Variants in XKR6 observed in about 807,000 individuals in gnomAD.
XKR6 encodes the protein XK-related protein 6.
A neutral mutation model predicts 56.7 loss-of-function variants in XKR6; 22 were observed. The ratio of observed to expected loss-of-function variants is 0.39; its 90% CI spans 0.28 to 0.55. The LOEUF (loss-of-function observed/expected upper bound fraction) is 0.55. Ranked by LOEUF, XKR6 falls within the 20% of genes least tolerant of loss-of-function variation. The probability of loss-of-function intolerance (pLI) is 0.66; values close to 1 mark genes in which losing one functional copy is unlikely to be tolerated. For synonymous variants in XKR6, 524 were observed against 387.8 expected (o/e 1.35, Z -4.13); for missense variants, 852 against 889.0 (o/e 0.96, Z 0.53).
intron 1 of XKR6, among the ~76,000 whole-genome samples, chr8:10,962,114 C>A (rs918247241): frequency 6.6e-6 from 1 of 152,144 alleles, no homozygotes; most frequent in Non-Finnish European, 1.5e-5. Flanking sequence ...TCCGCGGGGG[C>A]GACAGAGTGG....
intron 1 of XKR6, among the ~76,000 whole-genome samples, chr8:11,016,633 G>A (rs1798629892): frequency 1.3e-5 from 2 of 152,164 alleles, no homozygotes; most frequent in South Asian, 4.1e-4. Context: ...GCGTTCCAAG[G>A]CCCCGCCTCC....
At chr8:11,177,318 C>G (rs1802710525) in intron 1 of XKR6, among the ~76,000 whole-genome samples, 1 of 152,184 alleles carries the variant, frequency 6.6e-6, no homozygotes, top group African/African-American at 2.4e-5. Flanking sequence ...ATGTCCTTAT[C>G]TTAAGGGTTA....
At chr8:11,048,890 G>A (rs943970764) in intron 1 of XKR6, among the ~76,000 whole-genome samples, 9 of 152,134 alleles carry the variant, frequency 5.9e-5, no homozygotes, top group East Asian at 3.8e-4. Context: ...CTGCCCACTC[G>A]CTCCAGCCGG....
chr8:10,989,655 T>C (rs559968477), intron 1 of XKR6, among the ~76,000 whole-genome samples: 156 of 152,320 alleles, frequency 1.0e-3, no homozygotes, highest in African/African-American at 3.6e-3. Context: ...ACTGGACCAA[T>C]ATCAGTATCT....
At chr8:11,097,441 C>T (rs949760782) in intron 1 of XKR6, among the ~76,000 whole-genome samples, 15 of 150,874 alleles carry the variant, frequency 9.9e-5, no homozygotes, top group African/African-American at 3.7e-4. Context: ...TAGATAATAC[C>T]AGCACTGCTG....
intron 1 of XKR6, among the ~76,000 whole-genome samples, chr8:11,073,792 A>T (rs923281637): frequency 1.3e-5 from 2 of 152,140 alleles, no homozygotes. Context: ...GAGAGGGGCC[A>T]GTGAGAAACA....
chr8:10,897,604 C>G lies in XKR6; in HGVS notation c.*348G>C. 5.7e-6 allele frequency: 1 copy of G among 174,864 alleles called. No homozygotes were observed. Among genetic ancestry groups the G allele is most frequent in the Non-Finnish European group, 1.2e-5 (1 of 84,404 alleles). The allele number at this position is 174,864 out of a possible 1,614,324, so 10.8% of individuals were successfully genotyped here. On this transcript the variant is annotated 3_prime_UTR_variant, in exon 3 of 3. Coordinates refer to ENST00000416569, the MANE Select transcript of XKR6 (RefSeq NM_173683.4). ...GTAAGGTAAAAAACTTTTTTTTTTT[C>G]TTTTGGAGTGGAGATAACTCCTCCT...
intron 1 of XKR6, among the ~76,000 whole-genome samples, chr8:10,984,695 GCTCTCT>G (rs61138077): frequency 0.013 from 714 of 56,300 alleles, 20 homozygotes; most frequent in African/African-American, 0.033. Context: ...AAAATACATG[GCTCTCT>G]CTCTCTCTCT....
chr8:11,071,607 C>G (rs1029134056), intron 1 of XKR6, among the ~76,000 whole-genome samples: 6 of 148,458 alleles, frequency 4.0e-5, no homozygotes, highest in African/African-American at 7.5e-5. Flanking sequence ...AGTCTATCAG[C>G]CCCGAGTCCA....
At chr8:11,137,998 T>C (rs540437549) in intron 1 of XKR6, 3 of 309,544 alleles carry the variant, frequency 9.7e-6, no homozygotes, top group Non-Finnish European at 1.9e-5. Flanking sequence ...CAGCAACCCC[T>C]TCTACCTCGG....
At chr8:11,134,698 G>GCACA (rs148279384) in intron 1 of XKR6, among the ~76,000 whole-genome samples, 6 of 148,898 alleles carry the variant, frequency 4.0e-5, no homozygotes, top group East Asian at 2.0e-4. Context: ...ATACACACAC[G>GCACA]CACACACACA....
intron 1 of XKR6, among the ~76,000 whole-genome samples, chr8:11,052,860 G>C (rs919750021): frequency 1.3e-5 from 2 of 152,128 alleles, no homozygotes; most frequent in Admixed American, 6.5e-5. Flanking sequence ...CCCCTAGCAG[G>C]GGCTAAACTC....
chr8:10,963,535 G>C (rs1449565578), intron 1 of XKR6, among the ~76,000 whole-genome samples: 3 of 131,914 alleles, frequency 2.3e-5, no homozygotes, highest in African/African-American at 1.0e-4. Context: ...CTGACACAAA[G>C]AAGACCCTTC....
chr8:11,055,994 C>T (rs1398804940), intron 1 of XKR6, among the ~76,000 whole-genome samples: 1 of 152,190 alleles, frequency 6.6e-6, no homozygotes, highest in African/African-American at 2.4e-5. Context: ...CCCCTGCTTC[C>T]GGGCCTGTGC....
At chr8:11,054,997 A>AG (rs1799645132) in intron 1 of XKR6, among the ~76,000 whole-genome samples, 1 of 152,180 alleles carries the variant, frequency 6.6e-6, no homozygotes, top group Admixed American at 6.5e-5. Context: ...ACACAGCCAG[A>AG]GGGGGCTGTA....
intron 1 of XKR6, among the ~76,000 whole-genome samples, chr8:11,121,126 G>C (rs1285404259): frequency 6.6e-6 from 1 of 152,114 alleles, no homozygotes; most frequent in Non-Finnish European, 1.5e-5. Flanking sequence ...CATAGGCATG[G>C]GTGAGGACTT....
rs1554509083 is a variant in XKR6 at position 10,915,346 on chromosome 8, A to AGCG, written c.961+9287_961+9288insCGC. Among the ~76,000 whole-genome samples, 456 of 151,906 alleles carry AGCG rather than the reference A, an allele frequency of 3.0e-3. 8 individuals are homozygous for AGCG. Among genetic ancestry groups the AGCG allele is most frequent in the African/African-American group, 0.011 (441 of 41,384 alleles). ...AGGCTTCTAAACTTGCCGTTGTCAG[A>AGCG]GCCCCCATGAAGCTACCTCGCTCAC... On this transcript the variant is annotated intron_variant, in intron 2 of 2. Coordinates refer to ENST00000416569, the MANE Select transcript of XKR6 (RefSeq NM_173683.4).
At chr8:11,010,971 A>G (rs1245159666) in intron 1 of XKR6, among the ~76,000 whole-genome samples, 1 of 152,152 alleles carries the variant, frequency 6.6e-6, no homozygotes, top group African/African-American at 2.4e-5. Context: ...TCTCTATGCC[A>G]GGTATTTTGC....
intron 1 of XKR6, among the ~76,000 whole-genome samples, chr8:11,025,033 A>G (rs571784723): frequency 6.6e-6 from 1 of 152,324 alleles, no homozygotes; most frequent in African/African-American, 2.4e-5. Context: ...TGATTGATCC[A>G]GGAAGTGAGC....
Sources: gnomAD v4.1 joint callset for allele counts (sites outside exome capture counted in the v4.1 genomes callset) on GRCh38, gnomAD v4.1.1 for gene constraint, MANE v1.5 for transcripts, NCBI Gene and HGNC (gene_info 2026-07-23, HGNC 2026-07-21) for gene names.